Variants in SHANK2 observed in about 807,000 individuals in gnomAD.
SHANK2 encodes SH3 and multiple ankyrin repeat domains 2.
SHANK2 carries 43 observed loss-of-function variants against 133.7 expected under a neutral mutation model. That is an observed-to-expected ratio of 0.32 (90% CI 0.25 to 0.41). The LOEUF (loss-of-function observed/expected upper bound fraction) is 0.41, where lower values mean the gene tolerates loss of function less well. Among genes scored for constraint, SHANK2 ranks in the 10% least tolerant of loss-of-function variants. The probability of loss-of-function intolerance (pLI) is 1.00; values close to 1 mark genes in which losing one functional copy is unlikely to be tolerated. For synonymous variants in SHANK2, 1,017 were observed against 952.8 expected (o/e 1.07, Z -1.24); for missense variants, 1,994 against 2,235.8 (o/e 0.89, Z 2.18).
chr11:71,228,267 A>G (rs1954676395), intron 1 of SHANK2, among the ~76,000 whole-genome samples: 1 of 152,244 alleles, frequency 6.6e-6, no homozygotes. Context: ...ATAATTTTTA[A>G]ACTCCAGTTT....
intron 17 of SHANK2, among the ~76,000 whole-genome samples, chr11:70,652,126 T>C (rs2061345567): frequency 6.6e-6 from 1 of 152,200 alleles, no homozygotes; most frequent in Non-Finnish European, 1.5e-5. Flanking sequence ...AATTCCAAGG[T>C]GATCTAAAAG....
In SHANK2 at chr11:70,811,719, TATCCATCCATCTACCCATCCATTC is replaced by T. The variant is rs552834667; in HGVS notation, c.1494-4572_1494-4549del. Among the ~76,000 whole-genome samples the T allele has an allele frequency of 1.3e-3, 194 of 150,520 alleles. 1 individual carries two copies. The highest frequency in any genetic ancestry group is 4.5e-3 in the African/African-American group (184 of 40,812). ...TCTACCCATCCATCCACCATTCATT[TATCCATCCATCTACCCATCCATTC>T]ATCCATCATCTATCCATCCACCATC... On this transcript the variant is annotated intron_variant, in intron 12 of 25. Transcript: ENST00000601538.
At chr11:71,118,779 A>G in intron 4 of SHANK2, 50 bp downstream of exon 4, 1 of 1,450,898 alleles carries the variant, frequency 6.9e-7, no homozygotes, top group Non-Finnish European at 9.2e-7. Context: ...CCACCATGGC[A>G]TCCAGGCTGT....
intron 25 of SHANK2, chr11:70,474,776 C>T (rs1430388760): frequency 6.6e-6 from 1 of 152,248 alleles, no homozygotes; most frequent in Non-Finnish European, 1.5e-5. Context: ...ACGGCTCTCT[C>T]TTCAAGACCT....
Position 70,696,419 on chromosome 11 carries a change from G to T in SHANK2, c.1853+2269C>A, listed in dbSNP as rs550662448. On this transcript the variant is annotated intron_variant, in intron 15 of 25. Transcript: ENST00000601538. ...TGTGCAGACTCTGCTTGCTATCACA[G>T]ATCCTATCACAGTGTGATAGGCCCA... Among the ~76,000 whole-genome samples, 76 of 152,226 alleles carry T rather than the reference G, an allele frequency of 5.0e-4. 1 individual carries two copies. In the South Asian group the frequency reaches 0.014, roughly 28 times the overall value.
At chr11:70,685,822 T>C (rs554041804) in intron 15 of SHANK2, among the ~76,000 whole-genome samples, 1 of 152,204 alleles carries the variant, frequency 6.6e-6, no homozygotes, top group Admixed American at 6.5e-5. Flanking sequence ...TCCCATGAAG[T>C]GAAAATTTAT....
intron 10 of SHANK2, chr11:70,933,412 G>T (rs1400923630): frequency 4.7e-6 from 2 of 429,394 alleles, no homozygotes; most frequent in Admixed American, 5.0e-5. Context: ...GTTTCAGTTT[G>T]GGAAAATGAC....
intron 14 of SHANK2, among the ~76,000 whole-genome samples, chr11:70,747,764 C>T (rs1946670814): frequency 6.6e-6 from 1 of 152,190 alleles, no homozygotes; most frequent in Admixed American, 6.5e-5. Context: ...CACGTGTGTG[C>T]ATGTATGCCA....
chr11:71,115,392 C>T (rs1951959098), intron 4 of SHANK2, among the ~76,000 whole-genome samples: 1 of 152,056 alleles, frequency 6.6e-6, no homozygotes, highest in African/African-American at 2.4e-5. Flanking sequence ...TCGCTTGAAC[C>T]CAGGAGGCAG....
At chr11:71,056,808 T>A (rs954176338) in intron 9 of SHANK2, among the ~76,000 whole-genome samples, 3 of 82,892 alleles carry the variant, frequency 3.6e-5, no homozygotes, top group Admixed American at 3.3e-4. Context: ...ATATAAAATA[T>A]ACAATAAATG....
intron 2 of SHANK2, among the ~76,000 whole-genome samples, chr11:71,204,163 G>A (rs1042453544): frequency 7.9e-5 from 12 of 152,174 alleles, no homozygotes; most frequent in Non-Finnish European, 1.5e-4. Flanking sequence ...CAGGCCAGGG[G>A]TGGGGAAACT....
At chr11:70,835,867 C>G (rs2921338) in intron 11 of SHANK2, among the ~76,000 whole-genome samples, 94,624 of 151,960 alleles carry the variant, frequency 0.62, 29,965 homozygotes, top group South Asian at 0.77. Flanking sequence ...CAAACCCAGG[C>G]AGGAGAAGCC....
intron 12 of SHANK2, among the ~76,000 whole-genome samples, chr11:70,815,489 A>G (rs1948373844): frequency 6.6e-6 from 1 of 152,210 alleles, no homozygotes; most frequent in Non-Finnish European, 1.5e-5. Context: ...GACACTCACC[A>G]TCCACAGATC....
intron 17 of SHANK2, among the ~76,000 whole-genome samples, chr11:70,526,845 T>C (rs79056226): frequency 0.1 from 14,774 of 142,720 alleles, 815 homozygotes; most frequent in Middle Eastern, 0.17. Context: ...TCTGCAGGCC[T>C]GGCCCCCTCG....
At chr11:70,947,152 C>T (rs1333715838) in intron 10 of SHANK2, among the ~76,000 whole-genome samples, 3 of 126,574 alleles carry the variant, frequency 2.4e-5, no homozygotes, top group Non-Finnish European at 5.8e-5. Flanking sequence ...CACACACACA[C>T]ACACACACAC....
At chr11:70,716,712 C>T (rs1565264783) in intron 14 of SHANK2, among the ~76,000 whole-genome samples, 1 of 152,208 alleles carries the variant, frequency 6.6e-6, no homozygotes, top group Non-Finnish European at 1.5e-5. Context: ...CCAAAAGATT[C>T]TACACGTCGC....
intron 10 of SHANK2, among the ~76,000 whole-genome samples, chr11:70,897,114 T>C (rs1305732108): frequency 6.6e-6 from 1 of 152,134 alleles, no homozygotes; most frequent in African/African-American, 2.4e-5. Flanking sequence ...CTACAGGAAA[T>C]TGTTCCAACT....
intron 14 of SHANK2, among the ~76,000 whole-genome samples, chr11:70,795,744 C>G (rs1033985089): frequency 5.3e-5 from 8 of 152,068 alleles, no homozygotes; most frequent in Non-Finnish European, 8.8e-5. Context: ...GAAGAGGAGG[C>G]AGAAGGGAGG....
chr11:71,241,377 C>T (rs529729169), intron 1 of SHANK2, among the ~76,000 whole-genome samples: 62 of 152,166 alleles, frequency 4.1e-4, no homozygotes, highest in Non-Finnish European at 6.2e-4. Flanking sequence ...TTCCAGCGAG[C>T]GGGAAGTGCC....
Sources: gnomAD v4.1 joint callset for allele counts (sites outside exome capture counted in the v4.1 genomes callset) on GRCh38, gnomAD v4.1.1 for gene constraint, MANE v1.5 for transcripts, NCBI Gene and HGNC (gene_info 2026-07-23, HGNC 2026-07-21) for gene names.